ZFPM2: variants seen among roughly 807,000 people sequenced by gnomAD.
ZFPM2 encodes the protein zinc finger protein, FOG family member 2, also known as zinc finger protein ZFPM2.
Under a neutral mutation model 98.6 loss-of-function variants are expected in ZFPM2, and 20 were observed. The observed-to-expected ratio is 0.20, with a 90% CI of 0.14 to 0.29. The LOEUF is 0.29. Among genes scored for constraint, ZFPM2 ranks in the 10% least tolerant of loss-of-function variants. ZFPM2 has a pLI of 1.00. For missense variants in ZFPM2, 1,310 were observed against 1,388.6 expected, an observed-to-expected ratio of 0.94 and a Z score of 0.90; for synonymous variants, 518 against 502.7, an observed-to-expected ratio of 1.03 and a Z score of -0.41.
intron 1 of ZFPM2, among the ~76,000 whole-genome samples, chr8:105,413,464 G>C (rs10955396): frequency 0.34 from 49,749 of 146,838 alleles, 10,390 homozygotes; most frequent in African/African-American, 0.59. Context: ...GCTCGATTAT[G>C]ATGTCACAAT....
chr8:105,450,299 C>T (rs1483494267), intron 3 of ZFPM2, among the ~76,000 whole-genome samples: 1 of 152,056 alleles, frequency 6.6e-6, no homozygotes, highest in African/African-American at 2.4e-5. Context: ...AGCTTTTTCC[C>T]CCTCTTTACT....
intron 5 of ZFPM2, among the ~76,000 whole-genome samples, chr8:105,756,867 G>C (rs1412361358): frequency 6.6e-6 from 1 of 152,176 alleles, no homozygotes; most frequent in East Asian, 1.9e-4. Context: ...TCAATAGAGA[G>C]ACAGATGTCG....
rs940645007 is a variant in ZFPM2, at chr8:105,351,803, A to T, written c.40+32822A>T. 3.3e-5 allele frequency among the ~76,000 whole-genome samples: 5 copies of T among 151,988 alleles called. No homozygotes were observed. In the East Asian group the frequency reaches 5.8e-4, roughly 18 times the overall value. On this transcript the variant is annotated intron_variant, in intron 1 of 7. Transcript: ENST00000407775. ...ATTCAAATTCATTGCTGTGAAAAAG[A>T]TGGGAGGTCATTTTTCCCTTTGGAA...
chr8:105,709,612 A>G (rs1227840580), intron 5 of ZFPM2, among the ~76,000 whole-genome samples: 1 of 152,158 alleles, frequency 6.6e-6, no homozygotes, highest in African/African-American at 2.4e-5. Context: ...TCAACCAGAA[A>G]TTAAAATTAA....
At chr8:105,461,947 C>A (rs1402543268) in intron 3 of ZFPM2, among the ~76,000 whole-genome samples, 1 of 152,102 alleles carries the variant, frequency 6.6e-6, no homozygotes, top group Non-Finnish European at 1.5e-5. Context: ...GTTTTTCATA[C>A]AATGAGCTCT....
chr8:105,616,038 C>CT lies in ZFPM2; in HGVS notation c.421-18203dup. Among the ~76,000 whole-genome samples the CT allele has an allele frequency of 2.0e-5, 3 of 151,866 alleles. No individual in the cohort carries two copies. In the South Asian group the frequency reaches 6.3e-4, roughly 32 times the overall value. Reference sequence around the variant, plus strand: ...AAGATTATGGTATTTAAATTTAAGGCTTTTTATAGCATATGGTGTAAGAAG... The same window carrying CT: ...AAGATTATGGTATTTAAATTTAAGGCTTTTTTATAGCATATGGTGTAAGAAG... On this transcript the variant is annotated intron_variant, in intron 4 of 7. Coordinates refer to ENST00000407775, the MANE Select transcript of ZFPM2 (RefSeq NM_012082.4).
intron 5 of ZFPM2, among the ~76,000 whole-genome samples, chr8:105,644,941 CAT>C (rs1296247554): frequency 1.3e-5 from 2 of 152,154 alleles, no homozygotes; most frequent in Non-Finnish European, 2.9e-5. Flanking sequence ...TTTGGGGAGA[CAT>C]AAACATTCAG....
intron 3 of ZFPM2, among the ~76,000 whole-genome samples, chr8:105,546,583 AAC>A (rs1554615908): frequency 1.3e-5 from 2 of 149,740 alleles, no homozygotes; most frequent in Non-Finnish European, 3.0e-5. Flanking sequence ...AAAAAAAAAA[AAC>A]AAACCCAAAA....
intron 4 of ZFPM2, among the ~76,000 whole-genome samples, chr8:105,604,244 C>G (rs774848093): frequency 2.6e-5 from 4 of 152,004 alleles, no homozygotes; most frequent in Admixed American, 6.6e-5. Context: ...CTTTTCTTCA[C>G]TGACTCTATC....
chr8:105,638,044 G>A (rs1275792569), intron 5 of ZFPM2, among the ~76,000 whole-genome samples: 1 of 151,812 alleles, frequency 6.6e-6, no homozygotes, highest in Non-Finnish European at 1.5e-5. Flanking sequence ...GGAACTGCTT[G>A]ATTCAGTTGC....
chr8:105,793,529 C>G (rs1252924583), intron 6 of ZFPM2, among the ~76,000 whole-genome samples: 1 of 152,100 alleles, frequency 6.6e-6, no homozygotes, highest in Non-Finnish European at 1.5e-5. Flanking sequence ...TTTTTTCCTT[C>G]ATTTCAACTT....
intron 5 of ZFPM2, among the ~76,000 whole-genome samples, chr8:105,774,016 C>T (rs1289086548): frequency 1.3e-5 from 2 of 152,136 alleles, no homozygotes; most frequent in Non-Finnish European, 2.9e-5. Context: ...TAGCGTCTGA[C>T]AGTTTTCATG....
intron 1 of ZFPM2, among the ~76,000 whole-genome samples, chr8:105,335,005 A>G (rs1478871422): frequency 6.6e-6 from 1 of 151,746 alleles, no homozygotes; most frequent in Non-Finnish European, 1.5e-5. Context: ...TGAATAAAAT[A>G]GAAAGGTTTT....
intron 5 of ZFPM2, among the ~76,000 whole-genome samples, chr8:105,755,224 C>G (rs538013165): frequency 2.6e-5 from 4 of 152,056 alleles, no homozygotes; most frequent in African/African-American, 9.7e-5. Context: ...GATTTTCCAA[C>G]GCAAGTTTTG....
intron 1 of ZFPM2, among the ~76,000 whole-genome samples, chr8:105,356,461 C>A (rs1180015578): frequency 1.3e-5 from 2 of 152,174 alleles, no homozygotes; most frequent in Non-Finnish European, 1.5e-5. Context: ...TCAGTGGATT[C>A]TTTCCCATTT....
intron 5 of ZFPM2, among the ~76,000 whole-genome samples, chr8:105,666,765 A>G (rs1394470422): frequency 6.6e-6 from 1 of 152,196 alleles, no homozygotes; most frequent in African/African-American, 2.4e-5. Context: ...AGGCAGTGGT[A>G]CAAAATTGTT....
chr8:105,434,511 C>T (rs1812082737), intron 2 of ZFPM2, among the ~76,000 whole-genome samples: 1 of 152,286 alleles, frequency 6.6e-6, no homozygotes, highest in South Asian at 2.1e-4. Flanking sequence ...ATGAAGCTCA[C>T]ACATTTTTCA....
At chr8:105,773,524 C>T (rs1813030229) in intron 5 of ZFPM2, among the ~76,000 whole-genome samples, 1 of 151,634 alleles carries the variant, frequency 6.6e-6, no homozygotes, top group Non-Finnish European at 1.5e-5. Context: ...TAAATCCTTT[C>T]AGCTAAGGAA....
chr8:105,586,848 T>A (rs189765561), intron 4 of ZFPM2, among the ~76,000 whole-genome samples: 2,278 of 147,000 alleles, frequency 0.015, 51 homozygotes, highest in African/African-American at 0.052. Context: ...TATAAATATT[T>A]TATATATATA....
Sources: gnomAD v4.1 joint callset for allele counts (sites outside exome capture counted in the v4.1 genomes callset) on GRCh38, gnomAD v4.1.1 for gene constraint, MANE v1.5 for transcripts, NCBI Gene and HGNC (gene_info 2026-07-23, HGNC 2026-07-21) for gene names.